The following ANK2 variants were observed in gnomAD, a reference collection of about 807,000 sequenced individuals.
ANK2 encodes ankyrin 2.
Under a neutral mutation model 360.5 loss-of-function variants are expected in ANK2, and 83 were observed. The observed-to-expected ratio is 0.23, with a 90% CI of 0.19 to 0.28. The LOEUF (loss-of-function observed/expected upper bound fraction) is 0.28. Among genes scored for constraint, ANK2 ranks in the 10% least tolerant of loss-of-function variants. The probability of loss-of-function intolerance (pLI) is 1.00; values close to 1 mark genes in which losing one functional copy is unlikely to be tolerated. For missense variants in ANK2, 4,201 were observed against 4,795.7 expected, an observed-to-expected ratio of 0.88 and a Z score of 3.66; for synonymous variants, 1,740 against 1,759.5, an observed-to-expected ratio of 0.99 and a Z score of 0.28.
At chr4:113,116,745 C>G (rs2094832871) in intron 1 of ANK2, among the ~76,000 whole-genome samples, 1 of 152,138 alleles carries the variant, frequency 6.6e-6, no homozygotes, top group Admixed American at 6.5e-5. Flanking sequence ...CGAGACTGCA[C>G]CATTTTCTTC....
At chr4:113,279,558 A>G (rs1462942248) in intron 17 of ANK2, among the ~76,000 whole-genome samples, 1 of 151,826 alleles carries the variant, frequency 6.6e-6, no homozygotes, top group Non-Finnish European at 1.5e-5. Flanking sequence ...CCCCAAAGCA[A>G]TAGAGGGAGA....
At chr4:113,022,928 A>T (rs1364323428) in intron 2 of ANK2, among the ~76,000 whole-genome samples, 1 of 150,514 alleles carries the variant, frequency 6.6e-6, no homozygotes, top group South Asian at 2.1e-4. Flanking sequence ...GTTTGGATTG[A>T]TTTTTTTTTT....
chr4:113,217,273 G>T (rs1585103358), intron 4 of ANK2: 1 of 152,086 alleles, frequency 6.6e-6, no homozygotes, highest in East Asian at 1.9e-4. Context: ...AAGCCCAAGT[G>T]TTCAATTATT....
At chr4:113,216,175 T>C (rs1181768392) in intron 4 of ANK2, among the ~76,000 whole-genome samples, 1 of 152,232 alleles carries the variant, frequency 6.6e-6, no homozygotes, top group Admixed American at 6.5e-5. Flanking sequence ...TTCAATTGAC[T>C]GAGAAAATGA....
chr4:113,226,459 G>A (rs1350275075), intron 4 of ANK2, among the ~76,000 whole-genome samples: 2 of 152,072 alleles, frequency 1.3e-5, no homozygotes, highest in African/African-American at 4.8e-5. Context: ...TCTTCCAGCT[G>A]TTACTCCCAG....
At chr4:113,071,956 A>T (rs2077717011) in intron 1 of ANK2, 1 of 152,198 alleles carries the variant, frequency 6.6e-6, no homozygotes, top group African/African-American at 2.4e-5. Flanking sequence ...TGAAAGGGGG[A>T]TGCCCCTTAT....
intron 2 of ANK2, among the ~76,000 whole-genome samples, chr4:112,992,770 C>G (rs73840961): frequency 0.033 from 4,985 of 152,186 alleles, 268 homozygotes; most frequent in African/African-American, 0.11. Flanking sequence ...ATTCCATCTC[C>G]AAATACCATC....
chr4:112,745,247 C>T, the ANK2 span, among the ~76,000 whole-genome samples: 1 of 152,062 alleles, frequency 6.6e-6, no homozygotes, highest in Admixed American at 6.6e-5. Context: ...ACATAAATTC[C>T]GACATAAAAA....
At chr4:112,971,915 G>A (rs1247709225) in intron 2 of ANK2, among the ~76,000 whole-genome samples, 2 of 152,148 alleles carry the variant, frequency 1.3e-5, no homozygotes. Context: ...TGAGAAAAAA[G>A]TGAGCACAAG....
chr4:113,186,884 G>C (rs1277573274), intron 2 of ANK2, among the ~76,000 whole-genome samples: 1 of 152,148 alleles, frequency 6.6e-6, no homozygotes, highest in African/African-American at 2.4e-5. Context: ...ATATGTGCAA[G>C]TGTAGAGCCT....
chr4:113,381,644 G>C lies in ANK2; in HGVS notation c.*173G>C. 6.5e-7 allele frequency: 1 copy of C among 1,545,930 alleles called. No individual in the cohort carries two copies. Among genetic ancestry groups the C allele is most frequent in the South Asian group, 1.2e-5 (1 of 83,930 alleles). On this transcript the variant is annotated 3_prime_UTR_variant, in exon 46 of 46. Coordinates refer to ENST00000357077, the MANE Select transcript of ANK2 (RefSeq NM_001148.6). The stretch of plus-strand genomic sequence containing the variant: ...CTTGAAGCAAGAGGCCAAGTGAGGG[G>C]CTGCCCAGTTCTCACACCAGAAACC...
intron 4 of ANK2, among the ~76,000 whole-genome samples, chr4:113,206,743 G>A (rs555192813): frequency 6.6e-6 from 1 of 152,310 alleles, no homozygotes; most frequent in South Asian, 2.1e-4. Context: ...TTTTGCCCAG[G>A]CTGGGTGCGG....
intron 26 of ANK2, among the ~76,000 whole-genome samples, chr4:113,320,578 C>A (rs2085566349): frequency 6.6e-6 from 1 of 152,034 alleles, no homozygotes; most frequent in African/African-American, 2.4e-5. Flanking sequence ...TCATTTGAAC[C>A]CGGGAGGTGG....
intron 21 of ANK2, among the ~76,000 whole-genome samples, chr4:113,292,748 G>A (rs2068424030): frequency 1.3e-5 from 2 of 152,082 alleles, no homozygotes; most frequent in Non-Finnish European, 2.9e-5. Context: ...CTCTGGAGAC[G>A]GGGGCCCTCC....
chr4:113,299,194 C>T (rs1438384853), intron 22 of ANK2, among the ~76,000 whole-genome samples: 1 of 152,008 alleles, frequency 6.6e-6, no homozygotes, highest in East Asian at 1.9e-4. Flanking sequence ...AAATATAGTC[C>T]CATTATCAGC....
chr4:113,086,516 G>C (rs2084853450), intron 1 of ANK2, among the ~76,000 whole-genome samples: 1 of 152,202 alleles, frequency 6.6e-6, no homozygotes, highest in South Asian at 2.1e-4. Context: ...AGACACTGCT[G>C]TGAATTAAAC....
intron 4 of ANK2, among the ~76,000 whole-genome samples, chr4:113,213,197 G>A (rs895257474): frequency 1.5e-4 from 23 of 152,084 alleles, no homozygotes; most frequent in African/African-American, 5.3e-4. Flanking sequence ...TTCTAAGTCT[G>A]GAAAATTCTA....
intron 4 of ANK2, among the ~76,000 whole-genome samples, chr4:113,204,604 A>C (rs1368814014): frequency 6.6e-6 from 1 of 152,206 alleles, no homozygotes; most frequent in Non-Finnish European, 1.5e-5. Context: ...TGGACATGGA[A>C]AAATTTGAGG....
intron 2 of ANK2, among the ~76,000 whole-genome samples, chr4:112,976,770 T>A (rs185548205): frequency 1.9e-3 from 291 of 152,250 alleles, no homozygotes; most frequent in Non-Finnish European, 3.5e-3. Context: ...GCTGACTACT[T>A]CTTTGTGACC....
Sources: allele counts gnomAD v4.1 joint callset (sites outside exome capture counted in the v4.1 genomes callset), GRCh38; gene constraint gnomAD v4.1.1; transcripts MANE v1.5; gene names NCBI Gene and HGNC (gene_info 2026-07-23, HGNC 2026-07-21).